Variants in AIG1 observed in about 807,000 individuals in gnomAD.
AIG1 encodes the protein androgen-induced gene 1 protein.
A neutral mutation model predicts 31.4 loss-of-function variants in AIG1; 23 were observed. The observed-to-expected ratio is 0.73, with a 90% CI of 0.53 to 1.04. The LOEUF is 1.04. Ranked by LOEUF, AIG1 falls within the 50% of genes least tolerant of loss-of-function variation. The probability of loss-of-function intolerance (pLI) is 0.00; values close to 1 mark genes in which losing one functional copy is unlikely to be tolerated. For synonymous variants in AIG1, 100 were observed against 110.5 expected (o/e 0.90, Z 0.60); for missense variants, 274 against 295.0 (o/e 0.93, Z 0.52).
Position 143,279,955 on chromosome 6 carries a change from T to C in AIG1, c.400-4155T>C, listed in dbSNP as rs975728797. Among the ~76,000 whole-genome samples, 1 of 152,178 alleles carries C rather than the reference T, an allele frequency of 6.6e-6. No homozygotes were observed. Among genetic ancestry groups the C allele is most frequent in the Non-Finnish European group, 1.5e-5 (1 of 68,038 alleles). On this transcript the variant is annotated intron_variant, in intron 3 of 5. Transcript: ENST00000357847. This position sits in a 1 kb window ranked among gnomAD's most constrained non-coding sequence, Gnocchi z 5.4. Reference sequence around the variant, plus strand: ...TTAGCTCTTCAAACAAGTCAAGCCTTGTTTTTAGCTCAGCTCCTGGGGAAT... The same window carrying C: ...TTAGCTCTTCAAACAAGTCAAGCCTCGTTTTTAGCTCAGCTCCTGGGGAAT...
intron 3 of AIG1, among the ~76,000 whole-genome samples, chr6:143,225,739 A>G (rs1012982782): frequency 6.6e-6 from 1 of 152,172 alleles, no homozygotes; most frequent in Non-Finnish European, 1.5e-5. Context: ...CTTACAACTC[A>G]GGTATTGGAA....
chr6:143,157,483 C>G (rs1785905059), intron 2 of AIG1, among the ~76,000 whole-genome samples: 2 of 141,024 alleles, frequency 1.4e-5, no homozygotes, highest in South Asian at 4.4e-4. Context: ...AGTGATTTCC[C>G]TTCCTTTCTT....
intron 3 of AIG1, among the ~76,000 whole-genome samples, chr6:143,207,658 C>A (rs529830578): frequency 2.8e-4 from 42 of 152,248 alleles, no homozygotes; most frequent in African/African-American, 1.0e-3. Context: ...AAAACTCAGG[C>A]AACTCACATT....
chr6:143,237,535 GATATTTAGTATGTATTACCA>G (rs1410668927), intron 3 of AIG1, among the ~76,000 whole-genome samples: 7 of 152,156 alleles, frequency 4.6e-5, no homozygotes, highest in Non-Finnish European at 8.8e-5. Context: ...AGAAAAGCAG[GATATTTAGTATGTATTACCA>G]ATATTTAGTA....
chr6:143,236,451 C>T (rs1177259195), intron 3 of AIG1, among the ~76,000 whole-genome samples: 1 of 152,254 alleles, frequency 6.6e-6, no homozygotes, highest in African/African-American at 2.4e-5. Context: ...TTCTGACACC[C>T]TCTTGCCATC....
intron 1 of AIG1, among the ~76,000 whole-genome samples, chr6:143,078,870 A>G (rs939729000): frequency 1.3e-5 from 2 of 152,154 alleles, no homozygotes; most frequent in Non-Finnish European, 2.9e-5. Context: ...TCTGTGGAGA[A>G]ATGTTGATTT....
intron 3 of AIG1, among the ~76,000 whole-genome samples, chr6:143,282,962 G>A (rs967529322): frequency 2.0e-5 from 3 of 152,164 alleles, no homozygotes; most frequent in East Asian, 1.9e-4. Flanking sequence ...GCAAGGCAAC[G>A]ATTCTTTCAC....
At chr6:143,164,369 G>A (rs1015533587) in intron 2 of AIG1, among the ~76,000 whole-genome samples, 2 of 152,146 alleles carry the variant, frequency 1.3e-5, no homozygotes, top group African/African-American at 4.8e-5. Flanking sequence ...TGGAAGAAGG[G>A]TAAAATAATA....
rs1244821344 is a variant in AIG1 at position 143,326,903 on chromosome 6, C to G, written c.516-6379C>G. 2.6e-5 allele frequency among the ~76,000 whole-genome samples: 4 copies of G among 152,016 alleles called. No individual in the cohort carries two copies. The highest frequency in any genetic ancestry group is 2.6e-4 in the Admixed American group (4 of 15,258). ...ACAGGAGCAAGATATGGGATGGGGC[C>G]AAAGAGACCGATAGAAGCCACTCTA... is the stretch of plus-strand genomic sequence containing the variant. On this transcript the variant is annotated intron_variant, in intron 4 of 5. Coordinates refer to ENST00000357847, the MANE Select transcript of AIG1 (RefSeq NM_016108.4). This position sits in a 1 kb window ranked among gnomAD's most constrained non-coding sequence, Gnocchi z 4.5.
chr6:143,206,301 T>C (rs1015834616), intron 3 of AIG1, among the ~76,000 whole-genome samples: 1 of 152,224 alleles, frequency 6.6e-6, no homozygotes, highest in African/African-American at 2.4e-5. Flanking sequence ...CTTTTTTCCT[T>C]CTCAAGGTAG....
At chr6:143,230,764 T>G (rs1793386801) in intron 3 of AIG1, among the ~76,000 whole-genome samples, 1 of 152,180 alleles carries the variant, frequency 6.6e-6, no homozygotes, top group African/African-American at 2.4e-5. Flanking sequence ...TAAGTTGTTC[T>G]TAGATATAGG....
chr6:143,135,578 A>G (rs1440664701), intron 1 of AIG1, among the ~76,000 whole-genome samples: 1 of 152,172 alleles, frequency 6.6e-6, no homozygotes, highest in Non-Finnish European at 1.5e-5. Context: ...AAGACAGGCT[A>G]CGTTATGAGG....
At chr6:143,195,576 G>T (rs1486669292) in intron 3 of AIG1, among the ~76,000 whole-genome samples, 1 of 152,166 alleles carries the variant, frequency 6.6e-6, no homozygotes, top group Non-Finnish European at 1.5e-5. Flanking sequence ...CTGGATTTAG[G>T]AAGGAATAGA....
chr6:143,274,484 C>A (rs1796754200), intron 3 of AIG1, among the ~76,000 whole-genome samples: 3 of 152,158 alleles, frequency 2.0e-5, no homozygotes, highest in Admixed American at 6.5e-5. Context: ...AGAATAACTT[C>A]AATTATTTGC....
At chr6:143,191,452 C>G (rs1017168446) in intron 3 of AIG1, among the ~76,000 whole-genome samples, 3 of 152,020 alleles carry the variant, frequency 2.0e-5, no homozygotes, top group African/African-American at 4.8e-5. Flanking sequence ...TTTTATATAA[C>G]TCAATTTCCT....
rs376422783 is a variant in AIG1 at position 143,248,293 on chromosome 6, C to T, written c.400-35817C>T. ...GTATGGAAATAGAGCTAGGGTTTGC[C>T]GCTGTTTGCATAGAGTACGTCACAA... is the stretch of plus-strand genomic sequence containing the variant. On this transcript the variant is annotated intron_variant, in intron 3 of 5. Transcript: ENST00000357847. Among the ~76,000 whole-genome samples, 301 of 152,220 alleles carry T rather than the reference C, an allele frequency of 2.0e-3. 1 individual carries two copies. The highest frequency in any genetic ancestry group is 6.9e-3 in the African/African-American group (286 of 41,522).
chr6:143,102,071 A>G (rs1780328804), intron 1 of AIG1, among the ~76,000 whole-genome samples: 1 of 152,168 alleles, frequency 6.6e-6, no homozygotes, highest in South Asian at 2.1e-4. Flanking sequence ...GAAAATGTGT[A>G]AGAGTAAAGT....
rs1291384578 is a variant in AIG1 at position 143,288,464 on chromosome 6, A to G, written c.515+4239A>G. ...GACAAAATGGATCCTGGGTGTTTCC[A>G]CTTATGGATAAATATTCCTTGTCAA... On this transcript the variant is annotated intron_variant, in intron 4 of 5. Transcript: ENST00000357847. This position sits in a 1 kb window ranked among gnomAD's most constrained non-coding sequence, Gnocchi z 4.4. 2.0e-5 allele frequency among the ~76,000 whole-genome samples: 3 copies of G among 152,178 alleles called. No homozygotes were observed. Among genetic ancestry groups the G allele is most frequent in the African/African-American group, 4.8e-5 (2 of 41,438 alleles).
rs147432189 is a variant in AIG1 at position 143,284,928 on chromosome 6, C to G, written c.515+703C>G. On this transcript the variant is annotated intron_variant, in intron 4 of 5. Transcript: ENST00000357847. The surrounding 1 kb of genome is among the most constrained non-coding windows in gnomAD (Gnocchi z 4.4). ...TCTTAACATAGAGAATTTCTTATTTCTCTTTATAATTCCAAGTCCTCTTTG... is the reference window on the plus strand; with the variant it reads ...TCTTAACATAGAGAATTTCTTATTTGTCTTTATAATTCCAAGTCCTCTTTG... 8.7e-4 allele frequency among the ~76,000 whole-genome samples: 133 copies of G among 152,216 alleles called. No homozygotes were observed. The highest frequency in any genetic ancestry group is 2.1e-3 in the African/African-American group (86 of 41,534).
Sources: gnomAD v4.1 joint callset for allele counts (sites outside exome capture counted in the v4.1 genomes callset) on GRCh38, gnomAD v4.1.1 for gene constraint, Gnocchi (gnomAD v3.1) non-coding constraint, MANE v1.5 for transcripts, NCBI Gene and HGNC (gene_info 2026-07-23, HGNC 2026-07-21) for gene names.